The following CHAT variants were observed in gnomAD, a reference collection of about 807,000 sequenced individuals.
The protein encoded by CHAT is choline O-acetyltransferase.
In CHAT, 61 loss-of-function variants were observed where a neutral mutation model predicts 76.9. That is an observed-to-expected ratio of 0.79 (90% confidence interval 0.65 to 0.98). CHAT has a LOEUF of 0.98. CHAT is among the 50% of genes least tolerant of loss of function. The pLI, the probability that CHAT is intolerant of heterozygous loss-of-function variation, is 0.00. For synonymous variants in CHAT, 407 were observed against 397.4 expected, an observed-to-expected ratio of 1.02 and a Z score of -0.29; for missense variants, 946 against 986.9, an observed-to-expected ratio of 0.96 and a Z score of 0.56.
chr10:49,646,651 C>T lies in CHAT; in HGVS notation c.1258C>T (p.Arg420Cys), dbSNP rs121912822. Reference sequence around the variant, plus strand: ...AGGCTACAGCAAGAACGGGGCCAATCGCTGGTACGACAAGTCCCTGCAGGT... The same window carrying T: ...AGGCTACAGCAAGAACGGGGCCAATTGCTGGTACGACAAGTCCCTGCAGGT... Reference protein sequence around the residue: ...GGGYSKNGANRWYDKSLQFVV... With the variant: ...GGGYSKNGANCWYDKSLQFVV... The change falls in exon 8 of 15, where the codon CGC becomes TGC. Residue 420 changes from arginine to cysteine, a missense_variant. Physicochemically the swap from Arg to Cys is radical, Grantham distance 180 (BLOSUM62 -3). This residue lies in a region of CHAT where 49 missense variants were observed against 76.7 expected (regional missense o/e 0.64). Coordinates refer to ENST00000337653, the MANE Select transcript of CHAT (RefSeq NM_020549.5). 2.0e-5 allele frequency: 32 copies of T among 1,613,822 alleles called. No individual in the cohort carries two copies. Among genetic ancestry groups the T allele is most frequent in the Non-Finnish European group, 2.6e-5 (31 of 1,180,042 alleles).
upstream of CHAT, among the ~76,000 whole-genome samples, chr10:49,609,487 G>A (rs1838232823): frequency 6.6e-6 from 1 of 151,990 alleles, no homozygotes; most frequent in Admixed American, 6.5e-5. Context: ...GAGAAGAGGC[G>A]GAGCTGGGGG....
At chr10:49,643,310 T>C (rs1193594282) in intron 7 of CHAT, among the ~76,000 whole-genome samples, 1 of 152,172 alleles carries the variant, frequency 6.6e-6, no homozygotes, top group Admixed American at 6.5e-5. Flanking sequence ...AGCCGATCAC[T>C]CACAAGCTCT....
rs549636792 is a variant in CHAT at position 49,631,166 on chromosome 10, A to T, written c.1111+3381A>T. Among the ~76,000 whole-genome samples the T allele has an allele frequency of 6.6e-5, 10 of 152,288 alleles. No homozygotes were observed. The East Asian group carries it at 1.9e-3, about 29-fold the overall frequency. ...TGCTGGAATCTGAGCTGAGTAAGGA[A>T]GTGTGTTCAAGTCTGCTCAGCAGGT... is the stretch of plus-strand genomic sequence containing the variant. On this transcript the variant is annotated intron_variant, in intron 7 of 14. Coordinates refer to ENST00000337653, the MANE Select transcript of CHAT (RefSeq NM_020549.5).
chr10:49,610,342 G>A, upstream of CHAT: 1 of 191,136 alleles, frequency 5.2e-6, no homozygotes, highest in Non-Finnish European at 1.1e-5. Context: ...GAGCGCAGCG[G>A]CGGGGCTAAC....
chr10:49,649,664 G>A (rs1839806056), intron 10 of CHAT, 28 bp downstream of exon 10: 5 of 1,612,960 alleles, frequency 3.1e-6, no homozygotes, highest in African/African-American at 1.3e-5. Flanking sequence ...CTCCTTTGAG[G>A]GGTCCCCTAG....
At chr10:49,651,247 T>C (rs1222335454) in intron 10 of CHAT, among the ~76,000 whole-genome samples, 1 of 151,348 alleles carries the variant, frequency 6.6e-6, no homozygotes, top group Non-Finnish European at 1.5e-5. Flanking sequence ...TCCCCCTGTG[T>C]TCCTAGCACC....
At chr10:49,615,338 A>G (rs1212479700) in intron 1 of CHAT, among the ~76,000 whole-genome samples, 1 of 152,240 alleles carries the variant, frequency 6.6e-6, no homozygotes, top group Admixed American at 6.5e-5. Flanking sequence ...ACGAACCCAC[A>G]GCACTGGGAG....
At chr10:49,610,478 C>A, upstream of CHAT, 2 of 398,490 alleles carry the variant, frequency 5.0e-6, no homozygotes, top group South Asian at 1.2e-4. Flanking sequence ...CCCGGCCCCT[C>A]GGCGCGCCCG....
At chr10:49,624,040 C>T (rs1838828582) in intron 5 of CHAT, among the ~76,000 whole-genome samples, 1 of 152,212 alleles carries the variant, frequency 6.6e-6, no homozygotes, top group Non-Finnish European at 1.5e-5. Context: ...CTCCCAAGGG[C>T]TTTCACTGCA....
rs1318841256 is a variant in CHAT, at chr10:49,646,550, G to A, written c.1157G>A (p.Cys386Tyr). The A allele has an allele frequency of 1.9e-6, 3 of 1,614,140 alleles. No homozygotes were observed. Among genetic ancestry groups the A allele is most frequent in the Non-Finnish European group, 2.5e-6 (3 of 1,180,042 alleles). Residue 386 changes from cysteine (C) to tyrosine (Y), a missense_variant, in exon 8 of 15, where the codon TGC becomes TAC. Coordinates refer to ENST00000337653, the MANE Select transcript of CHAT (RefSeq NM_020549.5). ...CTGGACATGATTGAGCGCTGCATCT[G>A]CCTTGTATGCCTGGACGCGCCAGGA... is the stretch of plus-strand genomic sequence containing the variant. ...DSLDMIERCI[C>Y]LVCLDAPGGV... is the part of the protein sequence containing the mutation.
chr10:49,660,081 A>G (rs1169970160), intron 13 of CHAT, among the ~76,000 whole-genome samples: 2 of 152,196 alleles, frequency 1.3e-5, no homozygotes. Flanking sequence ...AACTACAAAG[A>G]GTTAAAACAT....
intron 7 of CHAT, among the ~76,000 whole-genome samples, chr10:49,639,208 C>T (rs1839395162): frequency 6.6e-6 from 1 of 152,172 alleles, no homozygotes; most frequent in Non-Finnish European, 1.5e-5. Context: ...CACTCTCCAG[C>T]TTGGGTGACA....
chr10:49,656,528 AAAGTGGTGCTTC>A, intron 13 of CHAT, among the ~76,000 whole-genome samples: 1 of 152,286 alleles, frequency 6.6e-6, no homozygotes, highest in East Asian at 1.9e-4. Context: ...ATTCCCAGGG[AAAGTGGTGCTTC>A]CTGTGAGCCA....
In CHAT at chr10:49,641,955, G is replaced by A. The variant is rs919435619; in HGVS notation, c.1112-4550G>A. ...TGCTATTTTGTCTGTGCTCATCAGA[G>A]TCTCAGCCTGTAAGCTTCCAACCTC... On this transcript the variant is annotated intron_variant, in intron 7 of 14. Coordinates refer to ENST00000337653, the MANE Select transcript of CHAT (RefSeq NM_020549.5). Among the ~76,000 whole-genome samples the A allele has an allele frequency of 6.6e-5, 10 of 152,300 alleles. No homozygotes were observed. In the East Asian group the frequency reaches 1.9e-3, roughly 29 times the overall value.
intron 6 of CHAT, 84 bp from the exon 7 acceptor site, chr10:49,627,524 C>CTGT: frequency 7.0e-7 from 1 of 1,425,520 alleles, no homozygotes; most frequent in Non-Finnish European, 9.9e-7. Context: ...CATCCCTGCC[C>CTGT]CAAGCTTACC....
In CHAT at chr10:49,627,700, C is replaced by T. The variant is rs752685760; in HGVS notation, c.1026C>T (p.Asn342=). 1.2e-5 allele frequency: 20 copies of T among 1,614,028 alleles called. 1 individual carries two copies. The highest frequency in any genetic ancestry group is 5.0e-5 in the Admixed American group (3 of 60,004). ...QLRKIVKMAS[N]EDERLPPIGL... ...GAAAGATAGTCAAAATGGCTTCCAA[C>T]GAGGACGAGCGTTTGCCTCCAATTG... The change falls in exon 7 of 15, where the codon AAC becomes AAT. Residue 342 remains asparagine (N), a synonymous_variant. Transcript: ENST00000337653.
At chr10:49,642,469 C>T (rs1165120263) in intron 7 of CHAT, among the ~76,000 whole-genome samples, 1 of 152,252 alleles carries the variant, frequency 6.6e-6, no homozygotes, top group Non-Finnish European at 1.5e-5. Flanking sequence ...AGAGCCTGCA[C>T]ATGATGGCAA....
At position 49,622,093 on chromosome 10, in the gene CHAT, G is replaced by T. The variant is rs746540508; in HGVS notation, c.699-4G>T. ...AAGGGCTCAGGCCTCCCTTCTCCCTGCAGGTTTGCAGCCAGCCTCATCTCT... is the reference window on the plus strand; with the variant it reads ...AAGGGCTCAGGCCTCCCTTCTCCCTTCAGGTTTGCAGCCAGCCTCATCTCT... On this transcript the variant is annotated splice_region_variant and splice_polypyrimidine_tract_variant and intron_variant, in intron 4 of 14. Transcript: ENST00000337653. 11 of 1,176,506 alleles carry T rather than the reference G, an allele frequency of 9.3e-6. No individual in the cohort carries two copies. The highest frequency in any genetic ancestry group is 2.4e-4 in the Middle Eastern group (1 of 4,204). The allele number at this position is 1,176,506 out of a possible 1,614,324, so 72.9% of individuals were successfully genotyped here.
rs2132727930 is a variant in CHAT, at chr10:49,625,484, C to T, written c.764C>T (p.Pro255Leu). ...YKALLDSHSI[P>L]TDCAKGQLSG... ...CTCCTCTCCTTCAGCCACTCCATTC[C>T]CACTGACTGTGCCAAAGGCCAGCTG... is the stretch of plus-strand genomic sequence containing the variant. The change falls in exon 6 of 15, where the codon CCC becomes CTC. Residue 255 changes from proline to leucine, a missense_variant. Pro to Leu is a moderately conservative substitution (Grantham distance 98, BLOSUM62 -3). Coordinates refer to ENST00000337653, the MANE Select transcript of CHAT (RefSeq NM_020549.5). The T allele has an allele frequency of 6.2e-7, 1 of 1,612,536 alleles. No homozygotes were observed. The highest frequency in any genetic ancestry group is 8.5e-7 in the Non-Finnish European group (1 of 1,180,008).
Sources: allele counts gnomAD v4.1 joint callset (sites outside exome capture counted in the v4.1 genomes callset), GRCh38; gene constraint gnomAD v4.1.1; regional missense constraint gnomAD v4.1.1; transcripts MANE v1.5; gene names NCBI Gene and HGNC (gene_info 2026-07-23, HGNC 2026-07-21).